The following SYT17 variants were observed in gnomAD, a reference collection of about 807,000 sequenced individuals.
SYT17 encodes synaptotagmin-17.
SYT17 carries 22 observed loss-of-function variants against 46.7 expected under a neutral mutation model. That is an observed-to-expected ratio of 0.47 (90% CI 0.34 to 0.67). SYT17 has a LOEUF of 0.67. SYT17 is among the 30% of genes least tolerant of loss of function. The pLI, the probability that SYT17 is intolerant of heterozygous loss-of-function variation, is 0.01. For synonymous variants in SYT17, 251 were observed against 248.4 expected (o/e 1.01, Z -0.10); for missense variants, 519 against 612.8 (o/e 0.85, Z 1.62).
rs372668885 is a variant in SYT17, at chr16:19,223,050, A to T, written c.957A>T (p.Glu319Asp). 75 of 1,613,908 alleles carry T rather than the reference A, an allele frequency of 4.6e-5. No individual in the cohort carries two copies. Among genetic ancestry groups the T allele is most frequent in the Non-Finnish European group, 5.3e-5 (63 of 1,179,928 alleles). ...WKALIPSSQN[E>D]VELGELLLSL... The stretch of plus-strand genomic sequence containing the variant: ...ATCATTTCCTTTCTCTACAGAATGA[A>T]GTGGAGCTGGGGGAGCTGCTTCTGT... Residue 319 changes from glutamate (E) to aspartate (D), a missense_variant, in exon 6 of 8, where the codon GAA (glutamate) becomes GAT (aspartate). Transcript: ENST00000355377.
At chr16:19,257,166 A>T (rs1390359469) in intron 7 of SYT17, among the ~76,000 whole-genome samples, 1 of 152,204 alleles carries the variant, frequency 6.6e-6, no homozygotes, top group Non-Finnish European at 1.5e-5. Flanking sequence ...AATCGTCATT[A>T]TGACTGTTGG....
intron 5 of SYT17, among the ~76,000 whole-genome samples, chr16:19,204,958 A>G (rs1447656648): frequency 6.6e-6 from 1 of 151,932 alleles, no homozygotes; most frequent in East Asian, 1.9e-4. Flanking sequence ...CATAGCCTAC[A>G]CTCATCAGCA....
chr16:19,177,493 A>C (rs1216316535), intron 3 of SYT17, among the ~76,000 whole-genome samples: 3 of 152,168 alleles, frequency 2.0e-5, no homozygotes, highest in Non-Finnish European at 2.9e-5. Flanking sequence ...TGTTTTCCCC[A>C]GATTTATTTA....
At chr16:19,263,592 A>T (rs1969139994) in intron 7 of SYT17, among the ~76,000 whole-genome samples, 1 of 149,958 alleles carries the variant, frequency 6.7e-6, no homozygotes, top group African/African-American at 2.5e-5. Context: ...GTGAGCCGAG[A>T]TCACGCCACT....
chr16:19,208,884 CTTT>C (rs1191498524), intron 5 of SYT17, among the ~76,000 whole-genome samples: 1,540 of 63,098 alleles, frequency 0.024, 20 homozygotes, highest in African/African-American at 0.098. Flanking sequence ...CAAGGACCTT[CTTT>C]TTTTTTTTTT....
intron 7 of SYT17, among the ~76,000 whole-genome samples, chr16:19,242,149 T>G (rs1481109884): frequency 6.6e-6 from 1 of 152,206 alleles, no homozygotes; most frequent in Non-Finnish European, 1.5e-5. Flanking sequence ...CTGCATTAGT[T>G]GCTGAAGAAA....
chr16:19,223,441 G>A (rs1966394869), intron 6 of SYT17, among the ~76,000 whole-genome samples: 1 of 152,190 alleles, frequency 6.6e-6, no homozygotes, highest in Admixed American at 6.5e-5. Context: ...TGCAGGTGGC[G>A]ATAGTGTGCA....
intron 5 of SYT17, among the ~76,000 whole-genome samples, chr16:19,207,283 G>A (rs1434351726): frequency 6.6e-6 from 1 of 152,102 alleles, no homozygotes; most frequent in Non-Finnish European, 1.5e-5. Flanking sequence ...CCCAGCCTCA[G>A]TTATTCTTCT....
chr16:19,225,726 T>G (rs533608040), intron 7 of SYT17, among the ~76,000 whole-genome samples: 2 of 152,362 alleles, frequency 1.3e-5, no homozygotes, highest in East Asian at 3.9e-4. Context: ...AGTTCCTTCC[T>G]GGTTGTTGGC....
In SYT17 at chr16:19,180,475, G is replaced by T; in HGVS notation, c.267G>T (p.Pro89=). 6.2e-7 allele frequency: 1 copy of T among 1,614,168 alleles called. No individual in the cohort carries two copies. Among genetic ancestry groups the T allele is most frequent in the Non-Finnish European group, 8.5e-7 (1 of 1,180,038 alleles). ...CGCTGACCCCACGGACCAATTCCCC[G>T]GATGGAAGACGCTCGTCCTCAGACA... ...EVPLTPRTNS[P]DGRRSSSDTS... is the part of the protein sequence containing the mutation. Residue 89 remains proline, a synonymous_variant, in exon 4 of 8, where the codon CCG becomes CCT. Transcript: ENST00000355377.
At chr16:19,210,456 A>AT (rs200757346) in intron 5 of SYT17, among the ~76,000 whole-genome samples, 11 of 146,010 alleles carry the variant, frequency 7.5e-5, no homozygotes, top group African/African-American at 2.0e-4. Flanking sequence ...ATCTAAGGGT[A>AT]TTTTTTTTTA....
rs137949699 is a variant in SYT17 at position 19,173,135 on chromosome 16, A to C, written c.34-295A>C. Reference sequence around the variant, plus strand: ...TTATGATGTTGTATAAACCACCCACATGTCAAGAAAGACGTTCACATAAAC... The same window carrying C: ...TTATGATGTTGTATAAACCACCCACCTGTCAAGAAAGACGTTCACATAAAC... On this transcript the variant is annotated intron_variant, in intron 2 of 7. Coordinates refer to ENST00000355377, the MANE Select transcript of SYT17 (RefSeq NM_016524.4). 1,959 of 534,778 alleles carry C rather than the reference A, an allele frequency of 3.7e-3. 9 individuals are homozygous for C. Among genetic ancestry groups the C allele is most frequent in the Non-Finnish European group, 5.6e-3 (1,715 of 305,888 alleles). 33.1% of individuals were successfully genotyped at this position (534,778 alleles called of 1,614,324 possible). A position where few individuals can be genotyped will look rare whatever the true frequency, so the allele number is the denominator to read the frequency against.
intron 7 of SYT17, among the ~76,000 whole-genome samples, chr16:19,228,115 G>C (rs1275769896): frequency 6.6e-6 from 1 of 152,168 alleles, no homozygotes; most frequent in Non-Finnish European, 1.5e-5. Context: ...ATACATGGAA[G>C]TATGGAAAAT....
At position 19,226,827 on chromosome 16, in the gene SYT17, C is replaced by A. The variant is rs111513865; in HGVS notation, c.1228+1989C>A. On this transcript the variant is annotated intron_variant, in intron 7 of 7. Coordinates refer to ENST00000355377, the MANE Select transcript of SYT17 (RefSeq NM_016524.4). ...ATTGTAAGCTTAGATGAGGAGAGGA[C>A]CCCAGGGGAAACTGAGAGCCCCCAT... Among the ~76,000 whole-genome samples the A allele has an allele frequency of 5.6e-3, 849 of 152,276 alleles. 8 individuals carry two copies. The highest frequency in any genetic ancestry group is 0.019 in the African/African-American group (799 of 41,560).
intron 5 of SYT17, among the ~76,000 whole-genome samples, chr16:19,191,366 C>T (rs528572057): frequency 2.6e-4 from 39 of 152,270 alleles, no homozygotes; most frequent in African/African-American, 8.9e-4. Context: ...ATGAGATTAG[C>T]GCCCTTGTAA....
chr16:19,207,562 A>G (rs1244108013), intron 5 of SYT17, among the ~76,000 whole-genome samples: 2 of 152,096 alleles, frequency 1.3e-5, no homozygotes, highest in Non-Finnish European at 2.9e-5. Context: ...CTTTTAAACA[A>G]CCAGATCTCC....
intron 5 of SYT17, among the ~76,000 whole-genome samples, chr16:19,196,515 T>A (rs918828550): frequency 6.6e-6 from 1 of 152,058 alleles, no homozygotes; most frequent in South Asian, 2.1e-4. Flanking sequence ...AGTGTTGGGA[T>A]TACAGATGTG....
intron 5 of SYT17, among the ~76,000 whole-genome samples, chr16:19,222,139 T>A (rs950999005): frequency 2.0e-5 from 3 of 152,210 alleles, no homozygotes; most frequent in Non-Finnish European, 4.4e-5. Flanking sequence ...TATCGAGGGC[T>A]TAGTTTAAAA....
chr16:19,228,153 G>C (rs11864842), intron 7 of SYT17, among the ~76,000 whole-genome samples: 3 of 151,896 alleles, frequency 2.0e-5, no homozygotes, highest in African/African-American at 7.3e-5. Flanking sequence ...AGGTTTTTTC[G>C]AATTCCTTGA....
Sources: allele counts gnomAD v4.1 joint callset (sites outside exome capture counted in the v4.1 genomes callset), GRCh38; gene constraint gnomAD v4.1.1; transcripts MANE v1.5; gene names NCBI Gene and HGNC (gene_info 2026-07-23, HGNC 2026-07-21).